Variants in ANKS1A observed in about 807,000 individuals in gnomAD.
ANKS1A encodes ankyrin repeat and sterile alpha motif domain containing 1A.
In ANKS1A, 55 loss-of-function variants were observed where a neutral mutation model predicts 120.3. That is an observed-to-expected ratio of 0.46 (90% confidence interval 0.37 to 0.57). ANKS1A has a LOEUF of 0.57. Among genes scored for constraint, ANKS1A ranks in the 20% least tolerant of loss-of-function variants. The pLI is 0.00. For synonymous variants in ANKS1A, 590 were observed against 604.7 expected, an observed-to-expected ratio of 0.98 and a Z score of 0.36; for missense variants, 1,123 against 1,480.3, an observed-to-expected ratio of 0.76 and a Z score of 3.96.
downstream of ANKS1A, among the ~76,000 whole-genome samples, chr6:35,092,450 C>T (rs980410016): frequency 2.6e-5 from 4 of 152,198 alleles, no homozygotes; most frequent in Non-Finnish European, 5.9e-5. Context: ...AGCCTGCCAG[C>T]GAATGGCAGA....
At position 35,078,659 on chromosome 6, in the gene ANKS1A, G is replaced by T. The variant is rs757831011; in HGVS notation, c.2283+3G>T. 7 of 1,600,634 alleles carry T rather than the reference G, an allele frequency of 4.4e-6. No individual in the cohort carries two copies. The stretch of plus-strand genomic sequence containing the variant: ...AGGCGGCACGCTCCCTACCCAAGGT[G>T]ACCATCGCCGGCCCTGTAGCCTCAG... On this transcript the variant is annotated splice_donor_region_variant and intron_variant, in intron 14 of 23. Coordinates refer to ENST00000360359, the MANE Select transcript of ANKS1A (RefSeq NM_015245.3).
intron 1 of ANKS1A, among the ~76,000 whole-genome samples, chr6:34,908,406 G>A (rs1767742378): frequency 1.3e-5 from 2 of 152,292 alleles, no homozygotes; most frequent in Non-Finnish European, 2.9e-5. Flanking sequence ...AGGTGAGGTT[G>A]GTAAGGTTGG....
intron 1 of ANKS1A, among the ~76,000 whole-genome samples, chr6:34,917,716 C>A (rs1355425664): frequency 6.6e-6 from 1 of 152,202 alleles, no homozygotes; most frequent in African/African-American, 2.4e-5. Flanking sequence ...TGCTCACTGG[C>A]CTCTTCTCCG....
chr6:35,003,044 G>A (rs938778020), intron 10 of ANKS1A, among the ~76,000 whole-genome samples: 1 of 150,604 alleles, frequency 6.6e-6, no homozygotes, highest in Non-Finnish European at 1.5e-5. Flanking sequence ...AGGTAGTTGT[G>A]TTATTGGCAC....
intron 1 of ANKS1A, among the ~76,000 whole-genome samples, chr6:34,940,945 T>TA (rs994444299): frequency 1.3e-5 from 2 of 151,862 alleles, no homozygotes; most frequent in Non-Finnish European, 2.9e-5. Context: ...ATCCTCATGA[T>TA]AAAAAAGTCA....
chr6:35,093,559 C>T (rs1778373179), downstream of ANKS1A, among the ~76,000 whole-genome samples: 1 of 152,028 alleles, frequency 6.6e-6, no homozygotes, highest in Non-Finnish European at 1.5e-5. Flanking sequence ...GAAAAAGAAA[C>T]AATGGAAAAC....
chr6:35,091,603 C>G (rs145927412), downstream of ANKS1A, among the ~76,000 whole-genome samples: 3 of 152,196 alleles, frequency 2.0e-5, no homozygotes, highest in Non-Finnish European at 4.4e-5. Context: ...TGCTGTGAGG[C>G]GCAAGGGCCC....
At chr6:35,037,465 G>C (rs558258782) in intron 11 of ANKS1A, among the ~76,000 whole-genome samples, 1 of 152,312 alleles carries the variant, frequency 6.6e-6, no homozygotes, top group South Asian at 2.1e-4. Context: ...GGAAGCACTG[G>C]TAGGGGAGTG....
At chr6:34,943,145 C>T (rs930871459) in intron 1 of ANKS1A, among the ~76,000 whole-genome samples, 1 of 151,982 alleles carries the variant, frequency 6.6e-6, no homozygotes, top group African/African-American at 2.4e-5. Flanking sequence ...TTTTGATATG[C>T]GGTCTTGCTC....
chr6:35,016,764 C>CAAAA (rs145185965), intron 10 of ANKS1A, among the ~76,000 whole-genome samples: 1 of 131,712 alleles, frequency 7.6e-6, no homozygotes, highest in Non-Finnish European at 1.5e-5. Context: ...TGCACATTCT[C>CAAAA]AAAAAAAAAA....
intron 11 of ANKS1A, 96 bp from the exon 12 acceptor site, chr6:35,054,003 A>G: frequency 2.1e-6 from 2 of 957,500 alleles, no homozygotes; most frequent in Non-Finnish European, 3.4e-6. Flanking sequence ...CATCTGAAAG[A>G]GACCTGGAGG....
At chr6:34,922,256 T>G (rs1040246210) in intron 1 of ANKS1A, among the ~76,000 whole-genome samples, 1 of 152,220 alleles carries the variant, frequency 6.6e-6, no homozygotes, top group African/African-American at 2.4e-5. Flanking sequence ...GCATTGGCAC[T>G]GTTATCCCCA....
At chr6:35,063,149 C>T (rs1776603879) in intron 13 of ANKS1A, among the ~76,000 whole-genome samples, 1 of 152,148 alleles carries the variant, frequency 6.6e-6, no homozygotes, top group Non-Finnish European at 1.5e-5. Flanking sequence ...CAGGTGCTCC[C>T]TAGGATGGTG....
At chr6:34,933,617 G>A (rs1339332835) in intron 1 of ANKS1A, among the ~76,000 whole-genome samples, 1 of 152,174 alleles carries the variant, frequency 6.6e-6, no homozygotes, top group Non-Finnish European at 1.5e-5. Context: ...TGATCCGCCC[G>A]CCTCAGCCTC....
intron 10 of ANKS1A, among the ~76,000 whole-genome samples, chr6:35,003,474 G>A (rs1554143715): frequency 6.6e-6 from 1 of 152,136 alleles, no homozygotes; most frequent in Non-Finnish European, 1.5e-5. Context: ...AAGGCAAGTA[G>A]TTAAAGACAT....
At chr6:35,004,707 G>A (rs1773361215) in intron 10 of ANKS1A, among the ~76,000 whole-genome samples, 1 of 151,942 alleles carries the variant, frequency 6.6e-6, no homozygotes, top group African/African-American at 2.4e-5. Context: ...TTGAAGCCAG[G>A]GGTTCAAGAC....
intron 7 of ANKS1A, among the ~76,000 whole-genome samples, 188 bp from the exon 8 acceptor site, chr6:34,984,894 G>A (rs1159360209): frequency 6.6e-6 from 1 of 152,090 alleles, no homozygotes; most frequent in Non-Finnish European, 1.5e-5. Flanking sequence ...AATCTGTTTA[G>A]ATCTCAGGGT....
chr6:35,089,072 A>C lies in ANKS1A; in HGVS notation c.*463A>C, dbSNP rs1778159067. 1 of 1,052,770 alleles carries C rather than the reference A, an allele frequency of 9.5e-7. No individual in the cohort carries two copies. Among genetic ancestry groups the C allele is most frequent in the Non-Finnish European group, 1.1e-6 (1 of 869,794 alleles). 65.2% of individuals were successfully genotyped at this position (1,052,770 alleles called of 1,614,324 possible). A position where few individuals can be genotyped will look rare whatever the true frequency, so the allele number is the denominator to read the frequency against. ...GTGCAGCTCAGTGGGTCGGAAGAGA[A>C]GGCGGTGGCCTGTGGGTGAGGGGAA... On this transcript the variant is annotated 3_prime_UTR_variant, in exon 24 of 24. Transcript: ENST00000360359.
intron 3 of ANKS1A, among the ~76,000 whole-genome samples, chr6:34,979,535 T>G (rs998924243): frequency 6.6e-6 from 1 of 152,172 alleles, no homozygotes; most frequent in African/African-American, 2.4e-5. Context: ...AGGGCAGCTT[T>G]GTGAGAGCTG....
Sources: gnomAD v4.1 joint callset for allele counts (sites outside exome capture counted in the v4.1 genomes callset) on GRCh38, gnomAD v4.1.1 for gene constraint, MANE v1.5 for transcripts, NCBI Gene and HGNC (gene_info 2026-07-23, HGNC 2026-07-21) for gene names.